CNTN4: variants seen among roughly 807,000 people sequenced by gnomAD.
The protein encoded by CNTN4 is contactin 4.
CNTN4 carries 77 observed loss-of-function variants against 122.5 expected under a neutral mutation model. The observed-to-expected ratio is 0.63, with a 90% CI of 0.52 to 0.76. The LOEUF (loss-of-function observed/expected upper bound fraction) is 0.76. Ranked by LOEUF, CNTN4 falls within the 30% of genes least tolerant of loss-of-function variation. The pLI is 0.00. For missense variants in CNTN4, 1,256 were observed against 1,259.1 expected, an observed-to-expected ratio of 1.00 and a Z score of 0.04; for synonymous variants, 512 against 447.0, an observed-to-expected ratio of 1.15 and a Z score of -1.83.
At chr3:2,262,392 C>G (rs778124258) in intron 2 of CNTN4, 3 of 152,042 alleles carry the variant, frequency 2.0e-5, no homozygotes, top group Admixed American at 6.6e-5. Context: ...TGGACTGTTT[C>G]GCAACTTTAC....
intron 6 of CNTN4, among the ~76,000 whole-genome samples, chr3:2,784,906 G>C (rs1450671011): frequency 6.6e-6 from 1 of 152,164 alleles, no homozygotes; most frequent in Non-Finnish European, 1.5e-5. Flanking sequence ...TATGAGTATA[G>C]GGAAGATTTT....
At chr3:2,395,769 A>G (rs1412038364) in intron 3 of CNTN4, among the ~76,000 whole-genome samples, 1 of 152,124 alleles carries the variant, frequency 6.6e-6, no homozygotes, top group Non-Finnish European at 1.5e-5. Flanking sequence ...GAATGACATG[A>G]TGTCATTCCT....
At chr3:2,420,677 C>T (rs1337090076) in intron 3 of CNTN4, among the ~76,000 whole-genome samples, 1 of 152,100 alleles carries the variant, frequency 6.6e-6, no homozygotes, top group Middle Eastern at 3.2e-3. Context: ...CTCAAGTAAT[C>T]TGCCTGCCTC....
intron 4 of CNTN4, among the ~76,000 whole-genome samples, chr3:2,652,296 C>T (rs1357975185): frequency 1.3e-5 from 2 of 152,030 alleles, no homozygotes; most frequent in Non-Finnish European, 1.5e-5. Context: ...CCCAATTACA[C>T]ATTCACTTAC....
intron 10 of CNTN4, among the ~76,000 whole-genome samples, chr3:2,893,810 T>G (rs1393734544): frequency 6.6e-6 from 1 of 152,200 alleles, no homozygotes; most frequent in Non-Finnish European, 1.5e-5. Context: ...GAGGTTTTGC[T>G]TAAGTTGATT....
chr3:3,043,026 G>T lies in CNTN4; in HGVS notation c.2561G>T (p.Arg854Leu). 1 of 1,614,038 alleles carries T rather than the reference G, an allele frequency of 6.2e-7. No homozygotes were observed. Among genetic ancestry groups the T allele is most frequent in the East Asian group, 2.2e-5 (1 of 44,876 alleles). Reference protein sequence around the residue: ...EDKEENARKIRTVGNQTSTKI... With the variant: ...EDKEENARKILTVGNQTSTKI... ...AAAGAAGAAAATGCTAGAAAAATAC[G>T]AACAGTTGGAAATCAGACATCAACA... Residue 854 changes from arginine to leucine, a missense_variant, in exon 22 of 25, where the codon CGA becomes CTA. By Grantham distance (102) the Arg-to-Leu change is moderately radical. Transcript: ENST00000418658.
At chr3:2,290,857 G>C (rs894549724) in intron 2 of CNTN4, among the ~76,000 whole-genome samples, 1 of 152,044 alleles carries the variant, frequency 6.6e-6, no homozygotes, top group Non-Finnish European at 1.5e-5. Context: ...AGAAACTTCG[G>C]GTCTGAACTT....
intron 4 of CNTN4, among the ~76,000 whole-genome samples, chr3:2,718,455 C>T (rs9310831): frequency 1.3e-5 from 2 of 152,036 alleles, no homozygotes; most frequent in African/African-American, 4.8e-5. Flanking sequence ...TCAGATCCTA[C>T]TTCAGGATGC....
At position 3,021,586 on chromosome 3, in the gene CNTN4, G is replaced by A. The variant is rs964637587; in HGVS notation, c.1487-4516G>A. On this transcript the variant is annotated intron_variant, in intron 14 of 24. Transcript: ENST00000418658. Reference sequence around the variant, plus strand: ...AGAGTCAAGAAATTTGTTAACAAAAGGGATGTGTCTCCTTCCACAAATGAA... The same window carrying A: ...AGAGTCAAGAAATTTGTTAACAAAAAGGATGTGTCTCCTTCCACAAATGAA... 2.0e-5 allele frequency among the ~76,000 whole-genome samples: 3 copies of A among 152,154 alleles called. No individual in the cohort carries two copies. In the South Asian group the frequency reaches 6.2e-4, roughly 32 times the overall value.
At chr3:2,694,732 A>AAAG (rs1559395949) in intron 4 of CNTN4, among the ~76,000 whole-genome samples, 15 of 151,842 alleles carry the variant, frequency 9.9e-5, no homozygotes, top group Admixed American at 4.6e-4. Flanking sequence ...CTGTCTCAAA[A>AAAG]AAAGAAAGAA....
At chr3:2,993,774 C>G (rs1305200640) in intron 14 of CNTN4, among the ~76,000 whole-genome samples, 1 of 152,206 alleles carries the variant, frequency 6.6e-6, no homozygotes, top group Non-Finnish European at 1.5e-5. Context: ...TCTGGCCAAG[C>G]TATACACAAC....
chr3:2,704,313 A>G (rs945912553), intron 4 of CNTN4, among the ~76,000 whole-genome samples: 1 of 150,346 alleles, frequency 6.7e-6, no homozygotes, highest in East Asian at 1.9e-4. Context: ...AAAAAAAAAA[A>G]AAAAAAAAGT....
At chr3:2,569,485 A>G (rs2079325674) in intron 3 of CNTN4, among the ~76,000 whole-genome samples, 1 of 152,192 alleles carries the variant, frequency 6.6e-6, no homozygotes, top group Non-Finnish European at 1.5e-5. Flanking sequence ...CACATTGTAT[A>G]CCATAAATAT....
At chr3:2,461,330 A>G (rs374668782) in intron 3 of CNTN4, among the ~76,000 whole-genome samples, 8 of 148,666 alleles carry the variant, frequency 5.4e-5, no homozygotes, top group Admixed American at 1.3e-4. Flanking sequence ...AGTTATCATT[A>G]ATTATTAATT....
At chr3:2,726,317 T>C (rs1382374987) in intron 4 of CNTN4, among the ~76,000 whole-genome samples, 2 of 152,218 alleles carry the variant, frequency 1.3e-5, no homozygotes, top group African/African-American at 4.8e-5. Context: ...GAATATTAAT[T>C]GGTCAGGCCA....
chr3:2,650,093 A>ATATAT (rs2083297290), intron 4 of CNTN4, among the ~76,000 whole-genome samples: 3 of 147,812 alleles, frequency 2.0e-5, no homozygotes, highest in Non-Finnish European at 3.0e-5. Context: ...ATATATATAT[A>ATATAT]AAAGGGAAGG....
chr3:2,204,532 G>T (rs1373303092), intron 2 of CNTN4, among the ~76,000 whole-genome samples: 1 of 152,076 alleles, frequency 6.6e-6, no homozygotes, highest in African/African-American at 2.4e-5. Context: ...ACTTCTGAAT[G>T]GCTTTTGAAA....
intron 3 of CNTN4, among the ~76,000 whole-genome samples, chr3:2,451,302 TTTTTAGAGCTTC>T (rs1305637423): frequency 6.6e-6 from 1 of 152,118 alleles, no homozygotes; most frequent in African/African-American, 2.4e-5. Flanking sequence ...TTTAATTAGA[TTTTTAGAGCTTC>T]TATTAATGTC....
intron 3 of CNTN4, among the ~76,000 whole-genome samples, chr3:2,409,594 A>G (rs2047161662): frequency 6.6e-6 from 1 of 152,128 alleles, no homozygotes; most frequent in South Asian, 2.1e-4. Context: ...TATAGCAATC[A>G]TTAATCTCAA....
Sources: gnomAD v4.1 joint callset for allele counts (sites outside exome capture counted in the v4.1 genomes callset) on GRCh38, gnomAD v4.1.1 for gene constraint, MANE v1.5 for transcripts, NCBI Gene and HGNC (gene_info 2026-07-23, HGNC 2026-07-21) for gene names.